Variants in COL11A1 observed in about 807,000 individuals in gnomAD.
COL11A1 encodes collagen alpha-1(XI) chain.
COL11A1 carries 74 observed loss-of-function variants against 265.2 expected under a neutral mutation model. That is an observed-to-expected ratio of 0.28 (90% CI 0.23 to 0.34). COL11A1 has a LOEUF of 0.34. Ranked by LOEUF, COL11A1 falls within the 10% of genes least tolerant of loss-of-function variation. The pLI, the probability that COL11A1 is intolerant of heterozygous loss-of-function variation, is 1.00. For missense variants in COL11A1, 2,165 were observed against 2,263.6 expected (o/e 0.96, Z 0.88); for synonymous variants, 816 against 727.6 (o/e 1.12, Z -1.96).
At position 103,017,345 on chromosome 1, in the gene COL11A1, T is replaced by A. The variant is rs1246226426; in HGVS notation, c.1413+475A>T. ...AGAAAGAAAGTACAAAGTTATTGGC[T>A]ACTCAAGGATGTGGGGAAAAAAGGG... On this transcript the variant is annotated intron_variant, in intron 11 of 66. Transcript: ENST00000370096. Among the ~76,000 whole-genome samples the A allele has an allele frequency of 5.3e-5, 8 of 152,126 alleles. No homozygotes were observed. In the East Asian group the frequency reaches 1.5e-3, roughly 29 times the overall value.
chr1:102,928,057 C>T (rs1446647459), intron 46 of COL11A1, among the ~76,000 whole-genome samples: 2 of 152,062 alleles, frequency 1.3e-5, no homozygotes, highest in Non-Finnish European at 2.9e-5. Flanking sequence ...GAAGTACTAA[C>T]TTATCTTGTT....
In COL11A1 at chr1:102,979,451, T is replaced by G; in HGVS notation, c.2557-16A>C. On this transcript the variant is annotated splice_polypyrimidine_tract_variant and intron_variant, in intron 31 of 66. Coordinates refer to ENST00000370096, the MANE Select transcript of COL11A1 (RefSeq NM_001854.4). ...CAGTGGAACCCTACAATAATAAAAG[T>G]AAATAATGAATAAACATGGCAATTA... The G allele has an allele frequency of 6.4e-7, 1 of 1,571,016 alleles. No individual in the cohort carries two copies. Among genetic ancestry groups the G allele is most frequent in the South Asian group, 1.1e-5 (1 of 89,930 alleles).
chr1:102,883,044 TGC>T (rs1309491080), intron 64 of COL11A1, among the ~76,000 whole-genome samples, 153 bp downstream of exon 64: 6 of 152,226 alleles, frequency 3.9e-5, no homozygotes, highest in Admixed American at 3.9e-4. Flanking sequence ...ATCAATTTGG[TGC>T]TTATTCATGT....
chr1:102,930,312 A>G (rs893025975), intron 46 of COL11A1, among the ~76,000 whole-genome samples: 10 of 151,732 alleles, frequency 6.6e-5, no homozygotes, highest in Non-Finnish European at 1.3e-4. Context: ...TGGTTGTTGA[A>G]TTTTGTCAAA....
intron 31 of COL11A1, among the ~76,000 whole-genome samples, chr1:102,982,002 C>T (rs1199990413): frequency 6.6e-6 from 1 of 151,798 alleles, no homozygotes; most frequent in East Asian, 1.9e-4. Context: ...CATCAGCTTA[C>T]ACATAGGAAA....
At chr1:103,071,085 A>C (rs1331245780) in intron 4 of COL11A1, among the ~76,000 whole-genome samples, 17 of 151,974 alleles carry the variant, frequency 1.1e-4, no homozygotes, top group Non-Finnish European at 5.9e-5. Flanking sequence ...ATATTTTCTG[A>C]GGAGTTTAAA....
At chr1:102,905,877 T>C (rs1224765235) in intron 54 of COL11A1, among the ~76,000 whole-genome samples, 1 of 152,178 alleles carries the variant, frequency 6.6e-6, no homozygotes, top group African/African-American at 2.4e-5. Context: ...TAGTTCAGTA[T>C]TGGTCACTGC....
Position 102,983,983 on chromosome 1 carries a change from C to T in COL11A1, c.2556+155G>A, listed in dbSNP as rs137984677. Reference sequence around the variant, plus strand: ...TCACCTAAGCTCTTTGAGCTCCCTGCACTCCAGGCGTCCACACACTCTATG... The same window carrying T: ...TCACCTAAGCTCTTTGAGCTCCCTGTACTCCAGGCGTCCACACACTCTATG... On this transcript the variant is annotated intron_variant, in intron 31 of 66. Coordinates refer to ENST00000370096, the MANE Select transcript of COL11A1 (RefSeq NM_001854.4). Among the ~76,000 whole-genome samples, 195 of 152,074 alleles carry T rather than the reference C, an allele frequency of 1.3e-3. 1 individual carries two copies. The highest frequency in any genetic ancestry group is 0.01 in the Middle Eastern group (3 of 294).
Position 102,877,702 on chromosome 1 carries a change from T to A in COL11A1, c.*317A>T. ...GATGGATGAGAATGAGCACCATATTTTTTATGAATATATATTTTTCTTTTT... is the reference window on the plus strand; with the variant it reads ...GATGGATGAGAATGAGCACCATATTATTTATGAATATATATTTTTCTTTTT... On this transcript the variant is annotated 3_prime_UTR_variant, in exon 67 of 67. Transcript: ENST00000370096. 1 of 290,892 alleles carries A rather than the reference T, an allele frequency of 3.4e-6. No homozygotes were observed. The highest frequency in any genetic ancestry group is 6.6e-6 in the Non-Finnish European group (1 of 150,752). 18.0% of individuals were successfully genotyped at this position (290,892 alleles called of 1,614,324 possible).
At chr1:102,881,885 T>C in intron 64 of COL11A1, 120 bp from the exon 65 acceptor site, 1 of 762,804 alleles carries the variant, frequency 1.3e-6, no homozygotes. Context: ...CTTAAAATCG[T>C]TTTAAAATGA....
Position 102,913,697 on chromosome 1 carries a change from G to A in COL11A1, c.3979-7C>T. 6.2e-7 allele frequency: 1 copy of A among 1,612,942 alleles called. No homozygotes were observed. The highest frequency in any genetic ancestry group is 1.3e-5 in the African/African-American group (1 of 74,922). ...CACCAACACCATCTTGACCCTATAA[G>A]AGGCAATAAAATATGAAGCAAGATA... On this transcript the variant is annotated splice_region_variant and splice_polypyrimidine_tract_variant and intron_variant, in intron 52 of 66. Coordinates refer to ENST00000370096, the MANE Select transcript of COL11A1 (RefSeq NM_001854.4).
In COL11A1 at chr1:102,978,749, T is replaced by C; in HGVS notation, c.2713A>G (p.Thr905Ala). The change falls in exon 35 of 67, where the codon ACT (threonine) becomes GCT (alanine). Residue 905 changes from threonine (T) to alanine (A), a missense_variant. Coordinates refer to ENST00000370096, the MANE Select transcript of COL11A1 (RefSeq NM_001854.4). ...GPTGKPGPKG[T>A]SGGDGPPGPP... ...CCAGGAGGGCCATCGCCACCTGAAG[T>C]GCCCTGGCACCAAGAAAAGAAAAGA... 1 of 1,614,126 alleles carries C rather than the reference T, an allele frequency of 6.2e-7. No individual in the cohort carries two copies. Among genetic ancestry groups the C allele is most frequent in the Non-Finnish European group, 8.5e-7 (1 of 1,179,992 alleles).
chr1:102,978,433 A>C (rs182801385), intron 35 of COL11A1, among the ~76,000 whole-genome samples: 1 of 152,180 alleles, frequency 6.6e-6, no homozygotes, highest in South Asian at 2.1e-4. Context: ...TTTAAAATTT[A>C]AAAAATATCT....
rs2101681867 is a variant in COL11A1 at position 102,979,083 on chromosome 1, G to A, written c.2632C>T (p.Pro878Ser). ...GARGVAGKPGPRGQRGPTGPR... is the reference protein window; with the variant it reads ...GARGVAGKPGSRGQRGPTGPR... Reference sequence around the variant, plus strand: ...ACCGTTGGACCACGCTGACCCCGAGGGCCTGGTTTGCCAGCTACTCCCTAG... The same window carrying A: ...ACCGTTGGACCACGCTGACCCCGAGAGCCTGGTTTGCCAGCTACTCCCTAG... The change falls in exon 33 of 67, where the codon CCT (proline) becomes TCT (serine). Residue 878 changes from proline to serine, a missense_variant. Physicochemically the swap from Pro to Ser is moderately conservative, Grantham distance 74. Transcript: ENST00000370096. The A allele has an allele frequency of 6.2e-7, 1 of 1,614,042 alleles. No individual in the cohort carries two copies. The highest frequency in any genetic ancestry group is 1.3e-5 in the African/African-American group (1 of 75,004).
intron 46 of COL11A1, among the ~76,000 whole-genome samples, chr1:102,932,608 C>A (rs4522018): frequency 6.6e-6 from 1 of 151,908 alleles, no homozygotes; most frequent in Non-Finnish European, 1.5e-5. Flanking sequence ...TTGTGGCATT[C>A]TCTGTATTTC....
intron 1 of COL11A1, among the ~76,000 whole-genome samples, chr1:103,106,116 G>A (rs1031309243): frequency 6.6e-6 from 1 of 152,040 alleles, no homozygotes; most frequent in Admixed American, 6.5e-5. Flanking sequence ...AGTGTTTCAG[G>A]TATGTTGCTA....
intron 5 of COL11A1, among the ~76,000 whole-genome samples, chr1:103,028,825 A>G (rs1175479927): frequency 6.6e-6 from 1 of 152,114 alleles, no homozygotes; most frequent in African/African-American, 2.4e-5. Context: ...TTGTCACTTC[A>G]TTTTCTGTTT....
chr1:103,049,579 G>A (rs1018543608), intron 4 of COL11A1, among the ~76,000 whole-genome samples: 2 of 152,084 alleles, frequency 1.3e-5, no homozygotes, highest in African/African-American at 2.4e-5. Flanking sequence ...TCTTTTAATT[G>A]GAGCATTTAG....
intron 4 of COL11A1, among the ~76,000 whole-genome samples, chr1:103,033,459 A>G (rs1668136061): frequency 6.6e-6 from 1 of 152,064 alleles, no homozygotes; most frequent in African/African-American, 2.4e-5. Context: ...TTTCAAATTA[A>G]TACTAACTTC....
Sources: allele counts gnomAD v4.1 joint callset (sites outside exome capture counted in the v4.1 genomes callset), GRCh38; gene constraint gnomAD v4.1.1; transcripts MANE v1.5; gene names NCBI Gene and HGNC (gene_info 2026-07-23, HGNC 2026-07-21).